Variants in RGS8 observed in about 807,000 individuals in gnomAD.
The protein encoded by RGS8 is regulator of G protein signaling 8.
In RGS8, 8 loss-of-function variants were observed where a neutral mutation model predicts 21.7. That is an observed-to-expected ratio of 0.37 (90% CI 0.22 to 0.66). The LOEUF is 0.66. Ranked by LOEUF, RGS8 falls within the 30% of genes least tolerant of loss-of-function variation. The pLI is 0.59. For missense variants in RGS8, 157 were observed against 217.9 expected (o/e 0.72, Z 1.76); for synonymous variants, 80 against 83.6 (o/e 0.96, Z 0.24).
At chr1:182,653,591 G>A (rs1271540519) in intron 5 of RGS8, among the ~76,000 whole-genome samples, 1 of 152,140 alleles carries the variant, frequency 6.6e-6, no homozygotes, top group African/African-American at 2.4e-5. Context: ...TTACTCAGGA[G>A]GCTGAGGCAG....
chr1:182,667,702 G>A (rs184056002), intron 3 of RGS8, among the ~76,000 whole-genome samples: 1 of 152,214 alleles, frequency 6.6e-6, no homozygotes. Context: ...TTTCTCATAT[G>A]TTTTATTTTC....
chr1:182,700,923 T>A, the RGS8 span, among the ~76,000 whole-genome samples: 2 of 152,200 alleles, frequency 1.3e-5, no homozygotes, highest in African/African-American at 4.8e-5. Context: ...GGGATTCAAG[T>A]GCAAGTTTTC....
At chr1:182,666,701 A>T (rs965698041) in intron 4 of RGS8, among the ~76,000 whole-genome samples, 171 bp downstream of exon 5, 5 of 152,110 alleles carry the variant, frequency 3.3e-5, no homozygotes, top group Admixed American at 3.3e-4. Context: ...ACTAAGCTAT[A>T]CGTTTTGAAA....
chr1:182,667,846 G>A (rs906829806), intron 3 of RGS8, among the ~76,000 whole-genome samples: 1 of 151,206 alleles, frequency 6.6e-6, no homozygotes, highest in African/African-American at 2.4e-5. Flanking sequence ...TCTTTAATAT[G>A]TTTAATTTTT....
chr1:182,722,363 C>CAAAAAAAAAA, the RGS8 span, among the ~76,000 whole-genome samples: 4 of 79,418 alleles, frequency 5.0e-5, no homozygotes, highest in Admixed American at 5.9e-4. Context: ...AGCAAATTAC[C>CAAAAAAAAAA]AAAAAAAAAA....
At chr1:182,736,749 T>C in the RGS8 span, among the ~76,000 whole-genome samples, 1 of 152,202 alleles carries the variant, frequency 6.6e-6, no homozygotes, top group East Asian at 1.9e-4. Flanking sequence ...ACAGAAGTGA[T>C]GGGATGCTGC....
At chr1:182,734,755 G>A in the RGS8 span, 1 of 152,206 alleles carries the variant, frequency 6.6e-6, no homozygotes, top group Non-Finnish European at 1.5e-5. Context: ...CTGGGAGGAT[G>A]TTGGGAGGTT....
At chr1:182,722,363 C>CAAAAAAAA in the RGS8 span, among the ~76,000 whole-genome samples, 1 of 79,400 alleles carries the variant, frequency 1.3e-5, no homozygotes, top group East Asian at 3.8e-4. Context: ...AGCAAATTAC[C>CAAAAAAAA]AAAAAAAAAA....
upstream of RGS8, among the ~76,000 whole-genome samples, chr1:182,673,491 T>C (rs891583353): frequency 6.6e-6 from 1 of 152,124 alleles, no homozygotes; most frequent in African/African-American, 2.4e-5. Context: ...GCAGATCTAT[T>C]GGTGCATAAC....
chr1:182,660,743 C>T (rs1273156959), intron 5 of RGS8, among the ~76,000 whole-genome samples: 3 of 151,148 alleles, frequency 2.0e-5, no homozygotes, highest in Non-Finnish European at 4.4e-5. Flanking sequence ...TACTCATGTG[C>T]CTTTGAGAAC....
chr1:182,680,186 TCTC>T (rs1326470089), intron 1 of RGS8, among the ~76,000 whole-genome samples: 3 of 152,014 alleles, frequency 2.0e-5, no homozygotes, highest in Admixed American at 6.6e-5. Context: ...TGCATTTCCT[TCTC>T]CTCAAAACCT....
At chr1:182,710,353 T>TA in the RGS8 span, among the ~76,000 whole-genome samples, 1 of 152,194 alleles carries the variant, frequency 6.6e-6, no homozygotes, top group African/African-American at 2.4e-5. Flanking sequence ...GGGACACCCC[T>TA]ACCCTCTTGA....
At chr1:182,739,086 A>G in the RGS8 span, among the ~76,000 whole-genome samples, 1 of 152,236 alleles carries the variant, frequency 6.6e-6, no homozygotes, top group South Asian at 2.1e-4. Context: ...GGTATCTTCT[A>G]GCTGACATTT....
chr1:182,723,183 A>G, the RGS8 span, among the ~76,000 whole-genome samples: 3 of 152,094 alleles, frequency 2.0e-5, no homozygotes, highest in Non-Finnish European at 4.4e-5. Flanking sequence ...CAAACTTGGC[A>G]TCTTAAAATA....
At chr1:182,658,914 A>G (rs540618770) in intron 5 of RGS8, among the ~76,000 whole-genome samples, 3 of 152,336 alleles carry the variant, frequency 2.0e-5, no homozygotes, top group South Asian at 2.1e-4. Context: ...AGAACAAACT[A>G]TTTCCAGTTG....
intron 5 of RGS8, among the ~76,000 whole-genome samples, chr1:182,655,958 G>C (rs1478724146): frequency 1.3e-5 from 2 of 152,136 alleles, no homozygotes; most frequent in Non-Finnish European, 2.9e-5. Context: ...TTGGAAAAGT[G>C]CCTTAACATC....
the RGS8 span, among the ~76,000 whole-genome samples, chr1:182,746,896 T>C: frequency 6.6e-6 from 1 of 152,044 alleles, no homozygotes; most frequent in Admixed American, 6.6e-5. Context: ...CTGCATCTCC[T>C]ATCTTTTGCT....
chr1:182,673,710 C>G (rs1029852833), upstream of RGS8, among the ~76,000 whole-genome samples: 19 of 152,278 alleles, frequency 1.2e-4, no homozygotes, highest in African/African-American at 4.6e-4. Flanking sequence ...TTTCTTGAAC[C>G]CTGTTGCTAA....
chr1:182,746,912 T>C, the RGS8 span, among the ~76,000 whole-genome samples: 2 of 152,110 alleles, frequency 1.3e-5, no homozygotes, highest in Non-Finnish European at 2.9e-5. Flanking sequence ...TTGCTTTTGT[T>C]ATTGTTTTTG....
Sources: allele counts gnomAD v4.1 joint callset (sites outside exome capture counted in the v4.1 genomes callset), GRCh38; gene constraint gnomAD v4.1.1; transcripts MANE v1.5; gene names NCBI Gene and HGNC (gene_info 2026-07-23, HGNC 2026-07-21).